CAST: variants seen among roughly 807,000 people sequenced by gnomAD.
CAST encodes the protein MIR583 host.
In CAST, 76 loss-of-function variants were observed where a neutral mutation model predicts 119.6. The observed-to-expected ratio is 0.64, with a 90% CI of 0.53 to 0.77. The LOEUF (loss-of-function observed/expected upper bound fraction) is 0.77, where lower values mean the gene tolerates loss of function less well. Among genes scored for constraint, CAST ranks in the 30% least tolerant of loss-of-function variants. The probability of loss-of-function intolerance (pLI) is 0.00; values close to 1 mark genes in which losing one functional copy is unlikely to be tolerated. For missense variants in CAST, 953 were observed against 946.5 expected (o/e 1.01, Z -0.09); for synonymous variants, 319 against 331.6 (o/e 0.96, Z 0.41).
At chr5:96,431,837 C>T in the CAST span, among the ~76,000 whole-genome samples, 1 of 152,112 alleles carries the variant, frequency 6.6e-6, no homozygotes, top group East Asian at 1.9e-4. Flanking sequence ...TTACAACTGC[C>T]TCCTCCCACG....
the CAST span, among the ~76,000 whole-genome samples, chr5:96,316,018 A>G: frequency 1.3e-5 from 2 of 152,098 alleles, no homozygotes; most frequent in African/African-American, 2.4e-5. Flanking sequence ...GCAGAGAAAA[A>G]CAAAACCCAC....
chr5:96,554,090 T>G (rs1746186734), intron 1 of CAST, among the ~76,000 whole-genome samples: 1 of 152,190 alleles, frequency 6.6e-6, no homozygotes, highest in Admixed American at 6.5e-5. Context: ...AGAGCCTGCA[T>G]AGCCAAGACA....
At chr5:96,712,592 G>A (rs1272012430) in intron 3 of CAST, among the ~76,000 whole-genome samples, 1 of 152,158 alleles carries the variant, frequency 6.6e-6, no homozygotes, top group African/African-American at 2.4e-5. Context: ...GCCTCCCAAA[G>A]TGCTGGGATT....
At chr5:96,157,689 G>A in the CAST span, among the ~76,000 whole-genome samples, 1 of 152,188 alleles carries the variant, frequency 6.6e-6, no homozygotes, top group African/African-American at 2.4e-5. Context: ...AGCCCAATTA[G>A]CCAGCAATTG....
At chr5:95,967,283 G>A in the CAST span, among the ~76,000 whole-genome samples, 7 of 152,056 alleles carry the variant, frequency 4.6e-5, no homozygotes, top group Middle Eastern at 3.2e-3. Context: ...GTGTGATACT[G>A]TAGTCCCAGC....
the CAST span, among the ~76,000 whole-genome samples, chr5:96,351,411 G>A: frequency 1.3e-5 from 2 of 152,122 alleles, no homozygotes; most frequent in Admixed American, 6.6e-5. Context: ...CATTGCTTCA[G>A]CAATGGGTAA....
At chr5:96,126,200 A>G in the CAST span, among the ~76,000 whole-genome samples, 1 of 152,176 alleles carries the variant, frequency 6.6e-6, no homozygotes, top group African/African-American at 2.4e-5. Flanking sequence ...AAAGTCTGTT[A>G]TATTAATAAT....
chr5:96,419,305 A>C, the CAST span, among the ~76,000 whole-genome samples: 1 of 146,002 alleles, frequency 6.8e-6, no homozygotes, highest in Non-Finnish European at 1.5e-5. Context: ...ATATATATTA[A>C]GTGAGATATA....
the CAST span, among the ~76,000 whole-genome samples, chr5:96,222,985 T>G: frequency 1.3e-5 from 2 of 152,196 alleles, no homozygotes; most frequent in African/African-American, 4.8e-5. Flanking sequence ...GAAGTCATTA[T>G]GTTAAGTGAA....
chr5:96,718,085 T>G (rs1757506874), intron 3 of CAST, among the ~76,000 whole-genome samples: 1 of 151,920 alleles, frequency 6.6e-6, no homozygotes, highest in Non-Finnish European at 1.5e-5. Context: ...AACAGGTGAG[T>G]CAAGGCCAGG....
the CAST span, among the ~76,000 whole-genome samples, chr5:96,022,480 C>T: frequency 6.6e-6 from 1 of 152,276 alleles, no homozygotes. Context: ...CAGCCAAACA[C>T]TGGACAAAAC....
chr5:95,971,587 T>TTCTATTACCTCCTC, the CAST span, among the ~76,000 whole-genome samples: 1 of 152,204 alleles, frequency 6.6e-6, no homozygotes, highest in Admixed American at 6.5e-5. Flanking sequence ...TGAAAATACA[T>TTCTATTACCTCCTC]TGTCCCTTTG....
At chr5:96,183,153 AT>A in the CAST span, among the ~76,000 whole-genome samples, 2 of 107,038 alleles carry the variant, frequency 1.9e-5, no homozygotes, top group African/African-American at 3.8e-5. Context: ...AAGAAAAAAA[AT>A]AAATAAAATA....
chr5:96,608,720 T>C (rs571180256), intron 1 of CAST, among the ~76,000 whole-genome samples: 6 of 152,252 alleles, frequency 3.9e-5, no homozygotes, highest in Admixed American at 6.5e-5. Context: ...TTTAATTGGC[T>C]CATGGTTCTG....
At chr5:96,033,875 T>C in the CAST span, among the ~76,000 whole-genome samples, 1 of 152,162 alleles carries the variant, frequency 6.6e-6, no homozygotes, top group Non-Finnish European at 1.5e-5. Context: ...ACCTACATAA[T>C]GGGAGAAAAT....
chr5:96,486,854 A>G, the CAST span, among the ~76,000 whole-genome samples: 7 of 152,180 alleles, frequency 4.6e-5, no homozygotes, highest in African/African-American at 1.7e-4. Context: ...TTATCATATC[A>G]TATCTATGAC....
At chr5:96,100,996 C>T in the CAST span, among the ~76,000 whole-genome samples, 1 of 152,084 alleles carries the variant, frequency 6.6e-6, no homozygotes, top group Non-Finnish European at 1.5e-5. Flanking sequence ...GATCATAACT[C>T]ACTGTAATTT....
At chr5:96,652,148 A>T (rs773301276) in intron 1 of CAST, among the ~76,000 whole-genome samples, 3 of 152,212 alleles carry the variant, frequency 2.0e-5, no homozygotes, top group African/African-American at 7.2e-5. Flanking sequence ...TGCAGTGGCC[A>T]CTAGGGCAGC....
chr5:96,162,911 G>A, the CAST span, among the ~76,000 whole-genome samples: 1 of 152,112 alleles, frequency 6.6e-6, no homozygotes, highest in African/African-American at 2.4e-5. Flanking sequence ...GATAATATTG[G>A]TCTCTTGTAA....
Sources: gnomAD v4.1 joint callset for allele counts (sites outside exome capture counted in the v4.1 genomes callset) on GRCh38, gnomAD v4.1.1 for gene constraint, MANE v1.5 for transcripts, NCBI Gene and HGNC (gene_info 2026-07-23, HGNC 2026-07-21) for gene names.